Variants in MYO16 observed in about 807,000 individuals in gnomAD.
MYO16 encodes the protein myosin XVI, also known as unconventional myosin-XVI.
In MYO16, 94 loss-of-function variants were observed where a neutral mutation model predicts 205.3. The ratio of observed to expected loss-of-function variants is 0.46; its 90% confidence interval spans 0.39 to 0.54. MYO16 has a LOEUF of 0.54. MYO16 is among the 20% of genes least tolerant of loss of function. MYO16 has a pLI of 0.00. For missense variants in MYO16, 2,315 were observed against 2,387.5 expected, an observed-to-expected ratio of 0.97 and a Z score of 0.63; for synonymous variants, 988 against 954.0, an observed-to-expected ratio of 1.04 and a Z score of -0.66.
rs375583637 is a variant in MYO16 at position 108,913,593 on chromosome 13, C to T, written c.1925+3443C>T. Among the ~76,000 whole-genome samples the T allele has an allele frequency of 1.3e-4, 20 of 152,290 alleles. No individual in the cohort carries two copies. In the East Asian group the frequency reaches 3.1e-3, roughly 24 times the overall value. Reference sequence around the variant, plus strand: ...TGAATTTGCGAGCTTTCTAACCTTTCACAAACTGATGGTCTTCTGAATCCC... The same window carrying T: ...TGAATTTGCGAGCTTTCTAACCTTTTACAAACTGATGGTCTTCTGAATCCC... On this transcript the variant is annotated intron_variant, in intron 16 of 34. Transcript: ENST00000457511.
chr13:109,106,190 C>T (rs928788858), intron 28 of MYO16, among the ~76,000 whole-genome samples: 1 of 152,218 alleles, frequency 6.6e-6, no homozygotes, highest in Non-Finnish European at 1.5e-5. Context: ...TGGATTACCT[C>T]ACTATGGAAA....
At chr13:108,605,170 G>T (rs1319326999) in intron 1 of MYO16, among the ~76,000 whole-genome samples, 1 of 152,150 alleles carries the variant, frequency 6.6e-6, no homozygotes, top group East Asian at 1.9e-4. Flanking sequence ...TTAAAGGACT[G>T]ACTCTTAGAC....
Position 109,103,479 on chromosome 13 carries a change from C to A in MYO16, c.3438+2592C>A, listed in dbSNP as rs1252815836. Among the ~76,000 whole-genome samples, 6 of 152,150 alleles carry A rather than the reference C, an allele frequency of 3.9e-5. No individual in the cohort carries two copies. In the East Asian group the frequency reaches 1.2e-3, roughly 29 times the overall value. On this transcript the variant is annotated intron_variant, in intron 28 of 34. Transcript: ENST00000457511. ...TTACTCTTTTCCATATTTTTAAAAG[C>A]AGTGCTGGAGGACAGAAGTGATTAG...
At chr13:108,745,302 G>A (rs928988473) in intron 4 of MYO16, among the ~76,000 whole-genome samples, 1 of 152,260 alleles carries the variant, frequency 6.6e-6, no homozygotes, top group East Asian at 1.9e-4. Context: ...AACCCTGGGG[G>A]CCACAGTCTT....
At chr13:108,908,357 C>T (rs1050862341) in intron 15 of MYO16, among the ~76,000 whole-genome samples, 4 of 152,198 alleles carry the variant, frequency 2.6e-5, no homozygotes, top group African/African-American at 4.8e-5. Context: ...TTTTTAAAAA[C>T]TGTGATATCT....
intron 22 of MYO16, among the ~76,000 whole-genome samples, chr13:109,010,806 T>C (rs192441575): frequency 1.6e-4 from 24 of 152,104 alleles, no homozygotes; most frequent in Non-Finnish European, 1.5e-5. Flanking sequence ...ATCAACACTT[T>C]ACTTACTCTT....
chr13:109,058,429 A>G (rs573366103), intron 27 of MYO16, among the ~76,000 whole-genome samples: 18 of 152,316 alleles, frequency 1.2e-4, no homozygotes, highest in East Asian at 3.9e-4. Flanking sequence ...GTGATGGACT[A>G]CCATAATAAA....
chr13:108,894,120 G>A (rs559334538), intron 14 of MYO16, among the ~76,000 whole-genome samples: 94 of 152,284 alleles, frequency 6.2e-4, no homozygotes, highest in Non-Finnish European at 1.1e-3. Context: ...GAGAGCATGC[G>A]CAGGGGAAAC....
intron 9 of MYO16, among the ~76,000 whole-genome samples, chr13:108,843,641 T>C (rs115648708): frequency 1.9e-3 from 296 of 152,314 alleles, no homozygotes; most frequent in African/African-American, 6.5e-3. Flanking sequence ...GGTAACAATT[T>C]AGGAGGCACA....
intron 33 of MYO16, chr13:109,167,290 G>T (rs575100863): frequency 2.0e-5 from 3 of 152,080 alleles, no homozygotes; most frequent in African/African-American, 7.2e-5. Flanking sequence ...GGCTGAACTA[G>T]CACATGGATG....
At chr13:109,179,941 A>G (rs1879387016) in intron 34 of MYO16, among the ~76,000 whole-genome samples, 1 of 152,188 alleles carries the variant, frequency 6.6e-6, no homozygotes, top group East Asian at 1.9e-4. Context: ...ATGATATTAA[A>G]TCTGCTGAAT....
Position 109,206,888 on chromosome 13 carries a change from T to A in MYO16, c.*52T>A. 6.6e-7 allele frequency: 1 copy of A among 1,525,694 alleles called. No individual in the cohort carries two copies. The highest frequency in any genetic ancestry group is 1.2e-5 in the South Asian group (1 of 85,624). 94.5% of individuals were successfully genotyped at this position (1,525,694 alleles called of 1,614,324 possible). On this transcript the variant is annotated 3_prime_UTR_variant, in exon 35 of 35. Coordinates refer to ENST00000457511, the MANE Select transcript of MYO16 (RefSeq NM_001198950.3). ...ATAGAACTGCCTACTGATTCCGGGC[T>A]GCAACAACAGAAGGCTGCCTTCTGA...
the MYO16 span, among the ~76,000 whole-genome samples, chr13:108,565,588 T>C: frequency 2.3e-4 from 35 of 152,296 alleles, no homozygotes; most frequent in East Asian, 1.9e-4. Context: ...TGGAGTTCTT[T>C]AGGTGTTTTC....
At chr13:108,869,731 T>A (rs1238431089) in intron 12 of MYO16, among the ~76,000 whole-genome samples, 796 of 66,798 alleles carry the variant, frequency 0.012, no homozygotes, top group Middle Eastern at 0.02. Flanking sequence ...ACTCCGTTTC[T>A]AAAAAAAAAA....
intron 13 of MYO16, among the ~76,000 whole-genome samples, 200 bp from the exon 14 acceptor site, chr13:108,888,172 A>G (rs1481910102): frequency 6.6e-6 from 1 of 152,214 alleles, no homozygotes; most frequent in Non-Finnish European, 1.5e-5. Flanking sequence ...ATTTCAGACA[A>G]ATGAATCAAA....
At chr13:108,901,563 C>T (rs535350617) in intron 15 of MYO16, among the ~76,000 whole-genome samples, 8 of 152,232 alleles carry the variant, frequency 5.3e-5, no homozygotes, top group South Asian at 4.1e-4. Context: ...TTCAGACTTG[C>T]GTAGGGTTTA....
At chr13:108,636,167 C>G (rs960349404) in intron 1 of MYO16, among the ~76,000 whole-genome samples, 3 of 151,820 alleles carry the variant, frequency 2.0e-5, no homozygotes, top group Non-Finnish European at 4.4e-5. Context: ...TACATTGATC[C>G]ATTGATTTAG....
intron 33 of MYO16, among the ~76,000 whole-genome samples, chr13:109,170,326 TC>T: frequency 6.6e-6 from 1 of 152,076 alleles, no homozygotes; most frequent in Non-Finnish European, 1.5e-5. Flanking sequence ...AACTGAAGAC[TC>T]CAGGGCAATA....
chr13:108,741,353 C>T (rs540225821), intron 4 of MYO16, among the ~76,000 whole-genome samples: 1 of 152,264 alleles, frequency 6.6e-6, no homozygotes, highest in East Asian at 1.9e-4. Context: ...AAGACTAACA[C>T]ATATAGTTTC....
Sources: allele counts gnomAD v4.1 joint callset (sites outside exome capture counted in the v4.1 genomes callset), GRCh38; gene constraint gnomAD v4.1.1; transcripts MANE v1.5; gene names NCBI Gene and HGNC (gene_info 2026-07-23, HGNC 2026-07-21).